SHMT1: variants seen among roughly 807,000 people sequenced by gnomAD.
SHMT1 encodes the protein serine hydroxymethyltransferase 1.
In SHMT1, 45 loss-of-function variants were observed where a neutral mutation model predicts 49.0. The observed-to-expected ratio is 0.92, with a 90% CI of 0.72 to 1.18. The LOEUF is 1.18. Ranked by LOEUF, SHMT1 falls within the 50% of genes most tolerant of loss-of-function variation. The pLI is 0.00. For missense variants in SHMT1, 541 were observed against 612.4 expected (o/e 0.88, Z 1.23); for synonymous variants, 232 against 246.6 (o/e 0.94, Z 0.55).
At chr17:18,333,385 T>A in intron 8 of SHMT1, 97 bp from the exon 9 acceptor site, 1 of 1,232,456 alleles carries the variant, frequency 8.1e-7, no homozygotes, top group Non-Finnish European at 1.2e-6. Flanking sequence ...GCTTCCTTGC[T>A]TTTCAATGTC....
At chr17:18,342,647 A>G (rs1389397836) in intron 5 of SHMT1, among the ~76,000 whole-genome samples, 1 of 151,772 alleles carries the variant, frequency 6.6e-6, no homozygotes, top group African/African-American at 2.4e-5. Context: ...ATCTAAAACA[A>G]TCGAACTGCT....
rs772664742 is a variant in SHMT1 at position 18,340,282 on chromosome 17, C to A, written c.602-27G>T. ...TGAGACAGGAAAGGTGACACAGCTG[C>A]ATCAGAGATGTCCACCGGCCAGCTG... On this transcript the variant is annotated intron_variant, in intron 6 of 11. Transcript: ENST00000316694. This position sits in a 1 kb window ranked among gnomAD's most constrained non-coding sequence, Gnocchi z 4.5. 17 of 1,610,972 alleles carry A rather than the reference C, an allele frequency of 1.1e-5. No homozygotes were observed. In the South Asian group the frequency reaches 1.8e-4, roughly 17 times the overall value.
At chr17:18,332,879 C>A in intron 9 of SHMT1, 1 of 453,244 alleles carries the variant, frequency 2.2e-6, no homozygotes, top group Admixed American at 3.0e-5. Flanking sequence ...TCAGTTGAGC[C>A]TCAGGTCATC....
intron 8 of SHMT1, among the ~76,000 whole-genome samples, chr17:18,334,454 A>C (rs1408264449): frequency 6.6e-6 from 1 of 152,184 alleles, no homozygotes; most frequent in Non-Finnish European, 1.5e-5. Flanking sequence ...GTTCTGTGCT[A>C]ACATTACCAT....
At chr17:18,330,702 A>C (rs372170498) in intron 9 of SHMT1, 31 bp from the exon 10 acceptor site, 1 of 1,469,720 alleles carries the variant, frequency 6.8e-7, no homozygotes, top group Non-Finnish European at 9.5e-7. Flanking sequence ...GTAGAAATGC[A>C]GGCGAATTCT....
At chr17:18,352,961 A>G (rs558784887) in intron 3 of SHMT1, among the ~76,000 whole-genome samples, 1 of 152,318 alleles carries the variant, frequency 6.6e-6, no homozygotes, top group African/African-American at 2.4e-5. Context: ...GCACAATGCA[A>G]AAGTTAGTTA....
At chr17:18,329,461 C>T (rs1982943141) in intron 10 of SHMT1, 73 bp from the exon 11 acceptor site, 1 of 1,222,198 alleles carries the variant, frequency 8.2e-7, no homozygotes, top group Non-Finnish European at 1.2e-6. Context: ...TAAAAAGGGA[C>T]ATGTGGGCAA....
At position 18,328,689 on chromosome 17, in the gene SHMT1, G is replaced by T; in HGVS notation, c.*61C>A. ...AGCAGCTCATCCATCTCTCAGGTGG[G>T]GGTCCTCCGGCAGGCAGCTTCCTCT... On this transcript the variant is annotated 3_prime_UTR_variant, in exon 12 of 12. Coordinates refer to ENST00000316694, the MANE Select transcript of SHMT1 (RefSeq NM_004169.5). 6.5e-7 allele frequency: 1 copy of T among 1,535,618 alleles called. No homozygotes were observed. Among genetic ancestry groups the T allele is most frequent in the Non-Finnish European group, 8.8e-7 (1 of 1,137,928 alleles).
At chr17:18,339,594 T>C (rs1984257640) in intron 7 of SHMT1, among the ~76,000 whole-genome samples, 1 of 151,686 alleles carries the variant, frequency 6.6e-6, no homozygotes, top group Non-Finnish European at 1.5e-5. Flanking sequence ...GGCATCTCGC[T>C]CTGTCGCCCA....
At chr17:18,337,672 C>G (rs1405829409) in intron 7 of SHMT1, among the ~76,000 whole-genome samples, 1 of 151,840 alleles carries the variant, frequency 6.6e-6, no homozygotes, top group Non-Finnish European at 1.5e-5. Flanking sequence ...AACCTCCCTG[C>G]CTGATTCTCC....
intron 2 of SHMT1, among the ~76,000 whole-genome samples, chr17:18,354,984 G>C (rs1986086347): frequency 7.0e-6 from 1 of 142,366 alleles, no homozygotes; most frequent in Admixed American, 7.3e-5. Context: ...CCGGGAGATG[G>C]AGCTTGCAGT....
At chr17:18,349,205 A>T (rs191771999) in intron 3 of SHMT1, among the ~76,000 whole-genome samples, 2 of 152,162 alleles carry the variant, frequency 1.3e-5, no homozygotes, top group East Asian at 3.9e-4. Context: ...AGATCACCTG[A>T]GGTCAGGAGT....
intron 7 of SHMT1, among the ~76,000 whole-genome samples, chr17:18,338,747 C>T (rs1465985839): frequency 6.6e-6 from 1 of 152,094 alleles, no homozygotes; most frequent in Admixed American, 6.6e-5. Flanking sequence ...TAACCTTACC[C>T]CCAACCCCGT....
intron 2 of SHMT1, among the ~76,000 whole-genome samples, chr17:18,355,464 C>T (rs1986154161): frequency 6.6e-6 from 1 of 151,860 alleles, no homozygotes; most frequent in African/African-American, 2.4e-5. Context: ...CCCTTGAACC[C>T]AGGAGGTGGA....
chr17:18,355,288 T>C (rs1986128765), intron 2 of SHMT1, among the ~76,000 whole-genome samples: 2 of 147,964 alleles, frequency 1.4e-5, no homozygotes, highest in Admixed American at 6.9e-5. Flanking sequence ...GAGAATGGCA[T>C]GAACCCAGGA....
At chr17:18,348,280 T>G in intron 4 of SHMT1, 45 bp downstream of exon 4, 1 of 1,237,804 alleles carries the variant, frequency 8.1e-7, no homozygotes, top group African/African-American at 1.5e-5. Flanking sequence ...CCCTGGGGGA[T>G]GCACATGAAG....
At chr17:18,346,123 T>A (rs1214554949) in intron 5 of SHMT1, among the ~76,000 whole-genome samples, 2 of 152,036 alleles carry the variant, frequency 1.3e-5, no homozygotes, top group Admixed American at 6.6e-5. Context: ...ACACGTGCAA[T>A]CACCAGCACT....
At chr17:18,345,923 C>G (rs1219134489) in intron 5 of SHMT1, among the ~76,000 whole-genome samples, 1 of 152,120 alleles carries the variant, frequency 6.6e-6, no homozygotes, top group African/African-American at 2.4e-5. Context: ...CTCAGGTGAT[C>G]TGCCCACCTC....
chr17:18,346,987 A>G (rs1158781876), intron 5 of SHMT1, among the ~76,000 whole-genome samples: 2 of 152,214 alleles, frequency 1.3e-5, no homozygotes, highest in African/African-American at 2.4e-5. Flanking sequence ...GGCAGGGGCT[A>G]GCCCTAACGT....
Sources: gnomAD v4.1 joint callset for allele counts (sites outside exome capture counted in the v4.1 genomes callset) on GRCh38, gnomAD v4.1.1 for gene constraint, Gnocchi (gnomAD v3.1) non-coding constraint, MANE v1.5 for transcripts, NCBI Gene and HGNC (gene_info 2026-07-23, HGNC 2026-07-21) for gene names.